LRRC3B: variants seen among roughly 807,000 people sequenced by gnomAD.
The protein encoded by LRRC3B is leucine-rich repeat-containing protein 3B.
Under a neutral mutation model 12.8 loss-of-function variants are expected in LRRC3B, and 2 were observed. That is an observed-to-expected ratio of 0.16 (90% CI 0.06 to 0.49). The LOEUF is 0.49. Ranked by LOEUF, LRRC3B falls within the 20% of genes least tolerant of loss-of-function variation. The probability of loss-of-function intolerance (pLI) is 0.96; values close to 1 mark genes in which losing one functional copy is unlikely to be tolerated. For missense variants in LRRC3B, 189 were observed against 319.4 expected, an observed-to-expected ratio of 0.59 and a Z score of 3.11; for synonymous variants, 132 against 122.0, an observed-to-expected ratio of 1.08 and a Z score of -0.54.
intron 1 of LRRC3B, among the ~76,000 whole-genome samples, chr3:26,685,486 C>CCTCTCTCTCT (rs61229084): frequency 1.8e-4 from 9 of 49,566 alleles, no homozygotes; most frequent in Non-Finnish European, 2.4e-4. Flanking sequence ...AGACTCTCTC[C>CCTCTCTCTCT]CTCTCTCTCT....
At chr3:26,645,348 T>C (rs566330057) in intron 1 of LRRC3B, among the ~76,000 whole-genome samples, 55 of 152,116 alleles carry the variant, frequency 3.6e-4, no homozygotes, top group Non-Finnish European at 6.6e-4. Context: ...ACAAAGTAAC[T>C]ATGAGACATA....
chr3:26,654,388 T>C (rs1699327718), intron 1 of LRRC3B, among the ~76,000 whole-genome samples: 1 of 152,162 alleles, frequency 6.6e-6, no homozygotes, highest in South Asian at 2.1e-4. Context: ...GATTGCACTA[T>C]ATATAAATTA....
chr3:26,691,324 G>C (rs1354861748), intron 1 of LRRC3B, among the ~76,000 whole-genome samples: 1 of 151,808 alleles, frequency 6.6e-6, no homozygotes, highest in Non-Finnish European at 1.5e-5. Context: ...CAACAAATTG[G>C]AGGGGTAGTT....
chr3:26,688,163 C>A (rs1433705592), intron 1 of LRRC3B, among the ~76,000 whole-genome samples: 4 of 152,152 alleles, frequency 2.6e-5, no homozygotes, highest in African/African-American at 9.7e-5. Flanking sequence ...CCATGAATTA[C>A]GTTGAGTAAA....
chr3:26,640,639 G>T (rs979378750), intron 1 of LRRC3B, among the ~76,000 whole-genome samples: 1 of 152,142 alleles, frequency 6.6e-6, no homozygotes, highest in East Asian at 1.9e-4. Flanking sequence ...GGATACAAAG[G>T]TATAGATCAT....
chr3:26,641,244 T>C (rs528486700), intron 1 of LRRC3B, among the ~76,000 whole-genome samples: 1 of 152,206 alleles, frequency 6.6e-6, no homozygotes, highest in East Asian at 1.9e-4. Context: ...CCCAGTAGCA[T>C]AGGTGGCCTA....
chr3:26,694,315 G>A (rs933067876), intron 1 of LRRC3B, among the ~76,000 whole-genome samples: 1 of 152,146 alleles, frequency 6.6e-6, no homozygotes, highest in Non-Finnish European at 1.5e-5. Flanking sequence ...ATATATTTGG[G>A]ACAATCTGGG....
intron 1 of LRRC3B, among the ~76,000 whole-genome samples, chr3:26,707,824 T>C (rs761510906): frequency 1.3e-5 from 2 of 152,064 alleles, no homozygotes; most frequent in Non-Finnish European, 2.9e-5. Context: ...CCAAGTACCA[T>C]GCAATACAGT....
At chr3:26,622,969 C>G (rs918160591) in exon 1 of LRRC3B, 1 of 151,560 alleles carries the variant, frequency 6.6e-6, no homozygotes, top group East Asian at 1.9e-4. Context: ...GCCGCACCCT[C>G]GCTCGGTGGC....
chr3:26,626,393 G>C (rs1698626315), intron 1 of LRRC3B, among the ~76,000 whole-genome samples: 1 of 152,176 alleles, frequency 6.6e-6, no homozygotes, highest in African/African-American at 2.4e-5. Flanking sequence ...GCCTCTCTCT[G>C]AATTGAGTCA....
At chr3:26,686,782 CAAG>C (rs1458027670) in intron 1 of LRRC3B, among the ~76,000 whole-genome samples, 2 of 152,128 alleles carry the variant, frequency 1.3e-5, no homozygotes, top group Non-Finnish European at 1.5e-5. Flanking sequence ...GAAGGAATGG[CAAG>C]AAGGAGAAGA....
chr3:26,668,152 T>C (rs2125428588), intron 1 of LRRC3B, among the ~76,000 whole-genome samples: 1 of 152,270 alleles, frequency 6.6e-6, no homozygotes, highest in Middle Eastern at 3.4e-3. Flanking sequence ...CAGAGTAGGT[T>C]AGTTTTCTTT....
chr3:26,633,314 T>C, intron 1 of LRRC3B, among the ~76,000 whole-genome samples: 1 of 152,218 alleles, frequency 6.6e-6, no homozygotes, highest in East Asian at 1.9e-4. Flanking sequence ...TAACCTTTAG[T>C]ATGCCTCAGT....
intron 1 of LRRC3B, among the ~76,000 whole-genome samples, chr3:26,679,888 G>A (rs192574158): frequency 1.3e-5 from 2 of 152,202 alleles, no homozygotes; most frequent in Admixed American, 1.3e-4. Context: ...AAAGGATTTG[G>A]GTTAGGAGAA....
At chr3:26,657,669 T>A (rs1395411549) in intron 1 of LRRC3B, among the ~76,000 whole-genome samples, 3 of 152,200 alleles carry the variant, frequency 2.0e-5, no homozygotes, top group African/African-American at 7.2e-5. Flanking sequence ...TCTTTTTTTT[T>A]TCTTGTTGAA....
At chr3:26,625,204 C>T (rs556787539) in intron 1 of LRRC3B, 5 of 152,414 alleles carry the variant, frequency 3.3e-5, no homozygotes, top group African/African-American at 1.2e-4. Context: ...CTGCCTTGTA[C>T]CAGTTGGGAA....
chr3:26,626,196 A>G (rs919149542), intron 1 of LRRC3B, among the ~76,000 whole-genome samples: 1 of 152,234 alleles, frequency 6.6e-6, no homozygotes, highest in African/African-American at 2.4e-5. Flanking sequence ...ATAGTGGAAT[A>G]CTAGTAGAGG....
At chr3:26,638,520 G>C (rs1698952131) in intron 1 of LRRC3B, among the ~76,000 whole-genome samples, 2 of 152,280 alleles carry the variant, frequency 1.3e-5, no homozygotes, top group African/African-American at 4.8e-5. Flanking sequence ...GTCTCAAAGT[G>C]TGAATCAATA....
In LRRC3B at chr3:26,661,517, T is replaced by C. The variant is rs1282363992; in HGVS notation, c.-161+38280T>C. Among the ~76,000 whole-genome samples the C allele has an allele frequency of 2.0e-5, 3 of 152,312 alleles. No individual in the cohort carries two copies. In the East Asian group the frequency reaches 5.8e-4, roughly 29 times the overall value. ...TGGGTAATTGTATATCTTCCCTTTA[T>C]ACCCTATTTTAAAAAATGTTTCCAA... is the stretch of plus-strand genomic sequence containing the variant. On this transcript the variant is annotated intron_variant, in intron 1 of 1. Coordinates refer to ENST00000396641, the Ensembl canonical transcript of LRRC3B.
Sources: allele counts gnomAD v4.1 joint callset (sites outside exome capture counted in the v4.1 genomes callset), GRCh38; gene constraint gnomAD v4.1.1; transcripts MANE v1.5; gene names NCBI Gene and HGNC (gene_info 2026-07-23, HGNC 2026-07-21).